C1QTNF3: variants seen among roughly 807,000 people sequenced by gnomAD.
C1QTNF3 encodes complement C1q tumor necrosis factor-related protein 3.
In C1QTNF3, 26 loss-of-function variants were observed where a neutral mutation model predicts 32.6. The ratio of observed to expected loss-of-function variants is 0.80; its 90% confidence interval spans 0.58 to 1.11. The LOEUF (loss-of-function observed/expected upper bound fraction) is 1.11. Among genes scored for constraint, C1QTNF3 ranks in the 50% least tolerant of loss-of-function variants. C1QTNF3 has a pLI of 0.00. For synonymous variants in C1QTNF3, 155 were observed against 146.0 expected (o/e 1.06, Z -0.44); for missense variants, 362 against 398.2 (o/e 0.91, Z 0.77).
the C1QTNF3 span, among the ~76,000 whole-genome samples, chr5:34,133,204 T>C: frequency 1.3e-5 from 2 of 152,204 alleles, no homozygotes; most frequent in African/African-American, 4.8e-5. Flanking sequence ...ACTGGGGCAA[T>C]AATCTTAGCA....
chr5:34,058,236 ACC>A, the C1QTNF3 span, among the ~76,000 whole-genome samples: 1 of 150,276 alleles, frequency 6.7e-6, no homozygotes, highest in Non-Finnish European at 1.5e-5. Flanking sequence ...TCCCCACCAC[ACC>A]CCTTTACCTT....
chr5:34,033,228 C>G, intron 3 of C1QTNF3, 76 bp downstream of exon 3: 1 of 1,522,810 alleles, frequency 6.6e-7, no homozygotes, highest in African/African-American at 1.4e-5. Flanking sequence ...AGGAAGCGCT[C>G]GAACATCCTG....
intron 3 of C1QTNF3, 40 bp downstream of exon 3, chr5:34,033,264 G>T (rs1222248164): frequency 1.2e-6 from 2 of 1,603,402 alleles, no homozygotes; most frequent in South Asian, 2.3e-5. Context: ...TGGTCAGGCA[G>T]GTTGGAAAGC....
chr5:34,119,566 G>C, the C1QTNF3 span, among the ~76,000 whole-genome samples: 1 of 152,106 alleles, frequency 6.6e-6, no homozygotes, highest in Non-Finnish European at 1.5e-5. Context: ...TGACCTTACA[G>C]ATCTGGAAGC....
chr5:34,224,539 T>C, the C1QTNF3 span, among the ~76,000 whole-genome samples: 2 of 151,766 alleles, frequency 1.3e-5, no homozygotes, highest in East Asian at 1.9e-4. Flanking sequence ...CTGAGAAAAA[T>C]AAGCAATGGG....
At chr5:34,211,420 T>C in the C1QTNF3 span, among the ~76,000 whole-genome samples, 1 of 152,074 alleles carries the variant, frequency 6.6e-6, no homozygotes, top group African/African-American at 2.4e-5. Context: ...CTTTAAGTTT[T>C]AGGGTACATG....
the C1QTNF3 span, among the ~76,000 whole-genome samples, chr5:34,054,916 G>A: frequency 2.6e-5 from 4 of 151,920 alleles, no homozygotes; most frequent in Non-Finnish European, 4.4e-5. Flanking sequence ...CAAAAAGCAC[G>A]CATATCAATT....
the C1QTNF3 span, among the ~76,000 whole-genome samples, chr5:34,150,286 T>C: frequency 1.1e-5 from 1 of 89,518 alleles, no homozygotes; most frequent in East Asian, 3.0e-4. Context: ...CTGTCAACAT[T>C]AGACAGATCA....
chr5:34,046,062 C>T (rs1754979922), upstream of C1QTNF3, among the ~76,000 whole-genome samples: 1 of 152,182 alleles, frequency 6.6e-6, no homozygotes, highest in Non-Finnish European at 1.5e-5. Context: ...CAAAACTTAA[C>T]TTCAGCAACT....
chr5:34,054,269 TCCACACTGGG>T, the C1QTNF3 span, among the ~76,000 whole-genome samples: 4 of 152,230 alleles, frequency 2.6e-5, no homozygotes, highest in African/African-American at 9.6e-5. Flanking sequence ...GTATTAATCC[TCCACACTGGG>T]AAACTTTAGC....
chr5:34,031,500 A>G lies in C1QTNF3; in HGVS notation c.570+1804T>C, dbSNP rs189753196. On this transcript the variant is annotated intron_variant, in intron 3 of 5. Coordinates refer to ENST00000382065, the MANE Select transcript of C1QTNF3 (RefSeq NM_181435.6). ...GCATCTCTAGCCTTTTTGTTTGTAA[A>G]TTTATATTGGCACATGGATCCCAGG... 2.0e-5 allele frequency among the ~76,000 whole-genome samples: 3 copies of G among 152,238 alleles called. No individual in the cohort carries two copies. In the East Asian group the frequency reaches 5.8e-4, roughly 29 times the overall value.
rs901488254 is a variant in C1QTNF3, at chr5:34,019,884, A to G, written c.*699T>C. 3 of 152,262 alleles carry G rather than the reference A, an allele frequency of 2.0e-5. No homozygotes were observed. The highest frequency in any genetic ancestry group is 7.2e-5 in the African/African-American group (3 of 41,452). The allele number at this position is 152,262 out of a possible 1,614,324, so 9.4% of individuals were successfully genotyped here. A position where few individuals can be genotyped will look rare whatever the true frequency, so the allele number is the denominator to read the frequency against. On this transcript the variant is annotated 3_prime_UTR_variant, in exon 6 of 6. Coordinates refer to ENST00000382065, the MANE Select transcript of C1QTNF3 (RefSeq NM_181435.6). Reference sequence around the variant, plus strand: ...TATTGGCACTGTACCTCTATGAGATATTTATGACATTTGTTAATAGTGAAC... The same window carrying G: ...TATTGGCACTGTACCTCTATGAGATGTTTATGACATTTGTTAATAGTGAAC...
At chr5:34,046,564 C>T (rs535403692), upstream of C1QTNF3, among the ~76,000 whole-genome samples, 3 of 152,292 alleles carry the variant, frequency 2.0e-5, no homozygotes, top group African/African-American at 7.2e-5. Flanking sequence ...AGGTGAGAAG[C>T]GTGGAACAGA....
chr5:34,196,604 A>G, the C1QTNF3 span, among the ~76,000 whole-genome samples: 12 of 152,346 alleles, frequency 7.9e-5, no homozygotes, highest in African/African-American at 2.6e-4. Context: ...CACTAGCCAC[A>G]TGTATCCATC....
the C1QTNF3 span, among the ~76,000 whole-genome samples, chr5:34,229,996 C>T: frequency 6.6e-6 from 1 of 152,140 alleles, no homozygotes; most frequent in Non-Finnish European, 1.5e-5. Context: ...GCCATGTGAA[C>T]ACAGAGAGAA....
the C1QTNF3 span, among the ~76,000 whole-genome samples, chr5:34,122,203 T>C: frequency 6.6e-6 from 1 of 152,140 alleles, no homozygotes; most frequent in African/African-American, 2.4e-5. Flanking sequence ...AAGTGCATGG[T>C]AGAAAAAGTC....
At chr5:34,145,527 A>C in the C1QTNF3 span, among the ~76,000 whole-genome samples, 3 of 151,948 alleles carry the variant, frequency 2.0e-5, no homozygotes, top group African/African-American at 7.2e-5. Flanking sequence ...GCCCTGGACC[A>C]GATGGATTTA....
the C1QTNF3 span, among the ~76,000 whole-genome samples, chr5:34,194,123 C>T: frequency 2.0e-5 from 3 of 151,942 alleles, no homozygotes; most frequent in African/African-American, 7.3e-5. Context: ...AATTATATGA[C>T]TCAAGCATTC....
chr5:34,202,643 C>T, the C1QTNF3 span, among the ~76,000 whole-genome samples: 1 of 151,564 alleles, frequency 6.6e-6, no homozygotes, highest in African/African-American at 2.4e-5. Flanking sequence ...TATGTGATTA[C>T]AGTTATGCTT....
Sources: gnomAD v4.1 joint callset for allele counts (sites outside exome capture counted in the v4.1 genomes callset) on GRCh38, gnomAD v4.1.1 for gene constraint, MANE v1.5 for transcripts, NCBI Gene and HGNC (gene_info 2026-07-23, HGNC 2026-07-21) for gene names.